PABPC4L: variants seen among roughly 807,000 people sequenced by gnomAD.
The protein encoded by PABPC4L is polyadenylate-binding protein 4-like.
For synonymous variants in PABPC4L, 169 were observed against 164.1 expected, an observed-to-expected ratio of 1.03 and a Z score of -0.23; for missense variants, 452 against 451.4, an observed-to-expected ratio of 1.00 and a Z score of -0.01.
rs567972570 is a variant in PABPC4L at position 134,200,405 on chromosome 4, T to A, written c.615A>T (p.Arg205Ser). The A allele has an allele frequency of 6.4e-7, 1 of 1,558,456 alleles. No individual in the cohort carries two copies. Among genetic ancestry groups the A allele is most frequent in the African/African-American group, 1.4e-5 (1 of 73,322 alleles). ...CATATTTGCTGAAAACGTCCTTCAA[T>A]CTCTCATCATCCATGTCACCTCCAA... ...KNFGGDMDDE[R>S]LKDVFSKYGK... Residue 205 changes from arginine (R) to serine (S), a missense_variant, in exon 2 of 2, where the codon AGA becomes AGT. Physicochemically the swap from Arg to Ser is moderately radical, Grantham distance 110. Transcript: ENST00000421491.
At chr4:134,016,535 T>C in the PABPC4L span, among the ~76,000 whole-genome samples, 3 of 152,120 alleles carry the variant, frequency 2.0e-5, no homozygotes, top group Admixed American at 1.3e-4. Context: ...TCCCTCACTT[T>C]CAGTTTTTCT....
At chr4:134,093,974 A>G in the PABPC4L span, among the ~76,000 whole-genome samples, 3 of 151,714 alleles carry the variant, frequency 2.0e-5, no homozygotes, top group African/African-American at 7.2e-5. Context: ...TCTTGCTGCC[A>G]TAGCCCAGGG....
the PABPC4L span, among the ~76,000 whole-genome samples, chr4:134,130,344 AGAC>A: frequency 2.6e-5 from 4 of 152,242 alleles, no homozygotes; most frequent in East Asian, 7.7e-4. Flanking sequence ...ATAAAATGGG[AGAC>A]ACTACAACTG....
At chr4:133,954,181 T>C in the PABPC4L span, among the ~76,000 whole-genome samples, 1 of 152,238 alleles carries the variant, frequency 6.6e-6, no homozygotes, top group African/African-American at 2.4e-5. Flanking sequence ...TCCTCTGGCC[T>C]TCCTTTTGCC....
the PABPC4L span, among the ~76,000 whole-genome samples, chr4:133,983,567 A>C: frequency 1.7e-4 from 26 of 151,962 alleles, no homozygotes; most frequent in Non-Finnish European, 3.2e-4. Context: ...TAATATTCTG[A>C]CAATAAGTAG....
the PABPC4L span, among the ~76,000 whole-genome samples, chr4:134,092,367 A>T: frequency 6.6e-6 from 1 of 152,000 alleles, no homozygotes; most frequent in Non-Finnish European, 1.5e-5. Context: ...GAGTTCAGGA[A>T]GGTTATCTTC....
the PABPC4L span, among the ~76,000 whole-genome samples, chr4:134,152,684 G>T: frequency 6.6e-6 from 1 of 152,082 alleles, no homozygotes; most frequent in African/African-American, 2.4e-5. Flanking sequence ...ACATTTTCAG[G>T]TATCTTTACA....
chr4:134,188,623 C>T, the PABPC4L span, among the ~76,000 whole-genome samples: 2 of 152,040 alleles, frequency 1.3e-5, no homozygotes, highest in Non-Finnish European at 2.9e-5. Context: ...TTTGTTTTCT[C>T]TCAACACTTT....
chr4:134,119,204 T>C, the PABPC4L span, among the ~76,000 whole-genome samples: 1 of 151,742 alleles, frequency 6.6e-6, no homozygotes, highest in African/African-American at 2.4e-5. Context: ...TGAAATTTTA[T>C]AGTACCAATC....
chr4:134,155,412 T>TCACACACACACACACACACA, the PABPC4L span, among the ~76,000 whole-genome samples: 44 of 147,094 alleles, frequency 3.0e-4, no homozygotes, highest in African/African-American at 9.1e-4. Flanking sequence ...CTCTCCCAGT[T>TCACACACACACACACACACA]CACACACACA....
the PABPC4L span, among the ~76,000 whole-genome samples, chr4:134,007,062 GAATA>G: frequency 6.6e-6 from 1 of 151,728 alleles, no homozygotes; most frequent in African/African-American, 2.4e-5. Flanking sequence ...TAATGTTTTG[GAATA>G]GATAAGATTT....
the PABPC4L span, among the ~76,000 whole-genome samples, chr4:134,147,223 G>T: frequency 6.6e-6 from 1 of 151,980 alleles, no homozygotes; most frequent in African/African-American, 2.4e-5. Context: ...TTAATCACAT[G>T]TTGGCCAAAT....
chr4:134,194,869 G>A (rs1245481322), downstream of PABPC4L, among the ~76,000 whole-genome samples: 2 of 151,650 alleles, frequency 1.3e-5, no homozygotes, highest in Non-Finnish European at 3.0e-5. Flanking sequence ...GGAATCCTAG[G>A]ACACGGTAAA....
the PABPC4L span, among the ~76,000 whole-genome samples, chr4:134,186,399 C>G: frequency 6.6e-6 from 1 of 152,094 alleles, no homozygotes; most frequent in African/African-American, 2.4e-5. Flanking sequence ...ACATCCACAA[C>G]CATCTGATCT....
Position 134,201,221 on chromosome 4 carries a change from G to T in PABPC4L, c.-202C>A. 6.5e-7 allele frequency: 1 copy of T among 1,541,242 alleles called. No individual in the cohort carries two copies. The highest frequency in any genetic ancestry group is 1.4e-5 in the African/African-American group (1 of 72,992). ...AAAAGTCCCCACAGCCACCAATCTG[G>T]CCCTCCTAGGACGCGGCAACAGAAC... On this transcript the variant is annotated 5_prime_UTR_variant, in exon 2 of 2. Coordinates refer to ENST00000421491, the MANE Select transcript of PABPC4L (RefSeq NM_001114734.2).
the PABPC4L span, among the ~76,000 whole-genome samples, chr4:134,046,039 A>G: frequency 6.6e-6 from 1 of 152,148 alleles, no homozygotes; most frequent in Admixed American, 6.6e-5. Flanking sequence ...AGGTGGGACA[A>G]GAGACTGAGA....
At chr4:134,165,048 T>C in the PABPC4L span, among the ~76,000 whole-genome samples, 1 of 152,128 alleles carries the variant, frequency 6.6e-6, no homozygotes, top group South Asian at 2.1e-4. Flanking sequence ...CCCTGTTCAA[T>C]AAATGGTGCC....
the PABPC4L span, among the ~76,000 whole-genome samples, chr4:134,009,412 A>G: frequency 2.0e-5 from 3 of 151,996 alleles, no homozygotes; most frequent in African/African-American, 4.8e-5. Context: ...GCACAGTGAT[A>G]GCACAACCTC....
chr4:134,070,274 C>A, the PABPC4L span, among the ~76,000 whole-genome samples: 8 of 152,110 alleles, frequency 5.3e-5, no homozygotes, highest in South Asian at 1.5e-3. Flanking sequence ...AAGACAGTGG[C>A]AGCAGGATTC....
Sources: gnomAD v4.1 joint callset for allele counts (sites outside exome capture counted in the v4.1 genomes callset) on GRCh38, gnomAD v4.1.1 for gene constraint, MANE v1.5 for transcripts, NCBI Gene and HGNC (gene_info 2026-07-23, HGNC 2026-07-21) for gene names.